The following KSR2 variants were observed in gnomAD, a reference collection of about 807,000 sequenced individuals.
KSR2 encodes kinase suppressor of ras 2.
A neutral mutation model predicts 107.8 loss-of-function variants in KSR2; 25 were observed. That is an observed-to-expected ratio of 0.23 (90% CI 0.17 to 0.32). The LOEUF is 0.32. KSR2 is among the 10% of genes least tolerant of loss of function. The pLI, the probability that KSR2 is intolerant of heterozygous loss-of-function variation, is 1.00. For synonymous variants in KSR2, 480 were observed against 507.0 expected (o/e 0.95, Z 0.71); for missense variants, 887 against 1,268.9 (o/e 0.70, Z 4.57).
At chr12:117,670,684 A>T (rs1204428931) in intron 4 of KSR2, among the ~76,000 whole-genome samples, 2 of 152,070 alleles carry the variant, frequency 1.3e-5, no homozygotes, top group African/African-American at 4.8e-5. Flanking sequence ...CCCCACGCAG[A>T]TATTTCCCTT....
rs780423962 is a variant in KSR2, at chr12:117,634,232, G to A, written c.1171+33242C>T. On this transcript the variant is annotated intron_variant, in intron 5 of 19. Transcript: ENST00000339824. The stretch of plus-strand genomic sequence containing the variant: ...TCCACAAAAGCCAAAAAGAAAGGTA[G>A]CTCTGATCAGGTAGGGAGAGGGAGG... 6.8e-4 allele frequency among the ~76,000 whole-genome samples: 104 copies of A among 152,152 alleles called. 2 individuals carry two copies. The highest frequency in any genetic ancestry group is 2.5e-4 in the Non-Finnish European group (17 of 68,022).
chr12:117,683,803 CA>C (rs1293296203), intron 4 of KSR2, among the ~76,000 whole-genome samples: 1 of 152,154 alleles, frequency 6.6e-6, no homozygotes, highest in Admixed American at 6.5e-5. Context: ...CAGAGGTTGC[CA>C]AATCTTTTCT....
intron 4 of KSR2, among the ~76,000 whole-genome samples, chr12:117,743,948 A>G (rs565800439): frequency 6.6e-6 from 1 of 152,306 alleles, no homozygotes; most frequent in East Asian, 1.9e-4. Context: ...GGAGGTGCCA[A>G]GAGTACCTCA....
chr12:117,903,684 T>C (rs1894757181), intron 1 of KSR2, among the ~76,000 whole-genome samples: 1 of 152,210 alleles, frequency 6.6e-6, no homozygotes, highest in African/African-American at 2.4e-5. Context: ...AGAAGCAGCA[T>C]ATTTTCTGAA....
chr12:117,488,889 G>A (rs1214614595), intron 14 of KSR2, among the ~76,000 whole-genome samples: 2 of 151,860 alleles, frequency 1.3e-5, no homozygotes, highest in Non-Finnish European at 1.5e-5. Flanking sequence ...ACCGTGTCAC[G>A]GTAGTCCAAA....
At chr12:117,950,749 A>ATAATAATAATAATAAT (rs60499991) in intron 1 of KSR2, among the ~76,000 whole-genome samples, 1 of 132,166 alleles carries the variant, frequency 7.6e-6, no homozygotes, top group East Asian at 2.2e-4. Flanking sequence ...AAAAAAAAAA[A>ATAATAATAATAATAAT]AATAATAATA....
intron 3 of KSR2, among the ~76,000 whole-genome samples, chr12:117,787,614 C>A (rs1890124329): frequency 1.3e-5 from 2 of 151,830 alleles, no homozygotes; most frequent in African/African-American, 2.4e-5. Flanking sequence ...GCCTTGGCAA[C>A]AGAGCGAGAC....
intron 5 of KSR2, among the ~76,000 whole-genome samples, chr12:117,590,856 A>G (rs6490130): frequency 0.92 from 139,508 of 152,270 alleles, 64,135 homozygotes; most frequent in East Asian, 1. Flanking sequence ...ATTTAGAGCT[A>G]TGAAACTCAT....
chr12:117,502,963 A>T (rs1326849786), intron 14 of KSR2, among the ~76,000 whole-genome samples: 3 of 152,172 alleles, frequency 2.0e-5, no homozygotes, highest in Admixed American at 2.0e-4. Flanking sequence ...TGGGCAAGAT[A>T]TTGGGGCGGA....
intron 5 of KSR2, among the ~76,000 whole-genome samples, chr12:117,606,637 T>A (rs1189779357): frequency 9.4e-6 from 1 of 106,854 alleles, no homozygotes; most frequent in African/African-American, 3.9e-5. Context: ...TCTTCCCTAC[T>A]TCTTTCCCTT....
chr12:117,500,101 G>A (rs565186445), intron 14 of KSR2, among the ~76,000 whole-genome samples: 300 of 152,312 alleles, frequency 2.0e-3, no homozygotes, highest in African/African-American at 6.3e-3. Context: ...ATCTGAGCAC[G>A]GAACCTACCT....
chr12:117,856,134 A>C lies in KSR2; in HGVS notation c.322-556T>G, dbSNP rs948151492. On this transcript the variant is annotated intron_variant, in intron 2 of 19. Coordinates refer to ENST00000339824, the MANE Select transcript of KSR2 (RefSeq NM_173598.6). ...GCTGAAAGTCCATGCCCCGTGCTGGAAATGAAACTAGGTTTGTTTTTGAGC... is the reference window on the plus strand; with the variant it reads ...GCTGAAAGTCCATGCCCCGTGCTGGCAATGAAACTAGGTTTGTTTTTGAGC... Among the ~76,000 whole-genome samples the C allele has an allele frequency of 4.6e-5, 7 of 152,178 alleles. No homozygotes were observed. In the East Asian group the frequency reaches 1.2e-3, roughly 25 times the overall value.
rs1158034251 is a variant in KSR2, at chr12:117,555,295, C to T, written c.1394-2G>A. 5.0e-6 allele frequency: 8 copies of T among 1,613,638 alleles called. No individual in the cohort carries two copies. The highest frequency in any genetic ancestry group is 2.7e-5 in the African/African-American group (2 of 74,906). The stretch of plus-strand genomic sequence containing the variant: ...CTGTCCGGACTAACCTTGCTGGATC[C>T]GTAGGGGTAAAAACATTGATTTGGG... On this transcript the variant is annotated splice_acceptor_variant, in intron 8 of 19. Coordinates refer to ENST00000339824, the MANE Select transcript of KSR2 (RefSeq NM_173598.6). LOFTEE classifies it high-confidence loss of function.
In KSR2 at chr12:117,525,153, G is replaced by T. The variant is rs1437530034; in HGVS notation, c.1918C>A (p.Leu640Ile). 1.2e-6 allele frequency: 2 copies of T among 1,613,936 alleles called. No homozygotes were observed. Among genetic ancestry groups the T allele is most frequent in the Non-Finnish European group, 1.7e-6 (2 of 1,179,846 alleles). The change falls in exon 14 of 20, where the codon CTC becomes ATC. Residue 640 changes from leucine (L) to isoleucine (I), a missense_variant. Leu to Ile is a conservative substitution (Grantham distance 5, BLOSUM62 2). Coordinates refer to ENST00000339824, the MANE Select transcript of KSR2 (RefSeq NM_173598.6). ...DDFEEMNLSL[L>I]SARSFPRKAS... The stretch of plus-strand genomic sequence containing the variant: ...TTGCGTGGGAAGCTCCGGGCCGAGA[G>T]GAGGGACAGGTTCATCTCCTCGAAG...
intron 14 of KSR2, among the ~76,000 whole-genome samples, chr12:117,511,200 C>T (rs980446171): frequency 2.6e-5 from 4 of 152,252 alleles, no homozygotes; most frequent in Admixed American, 6.5e-5. Context: ...GGTGACCACT[C>T]GGCTTCTGTT....
intron 9 of KSR2, among the ~76,000 whole-genome samples, chr12:117,543,962 T>C (rs1467124532): frequency 6.6e-6 from 1 of 152,192 alleles, no homozygotes; most frequent in Non-Finnish European, 1.5e-5. Flanking sequence ...TGTGTCTCTG[T>C]TTCTCTTCTC....
At chr12:117,943,221 T>C (rs768795212) in intron 1 of KSR2, among the ~76,000 whole-genome samples, 2 of 152,194 alleles carry the variant, frequency 1.3e-5, no homozygotes, top group Admixed American at 6.5e-5. Flanking sequence ...TACAGTAAAG[T>C]ACTTTGCCTT....
chr12:117,857,875 C>T (rs899414023), intron 2 of KSR2, among the ~76,000 whole-genome samples: 1 of 152,202 alleles, frequency 6.6e-6, no homozygotes. Context: ...CTGGTGGACA[C>T]ATACCTGAAC....
At chr12:117,809,068 C>G (rs1891106460) in intron 3 of KSR2, among the ~76,000 whole-genome samples, 1 of 152,158 alleles carries the variant, frequency 6.6e-6, no homozygotes, top group African/African-American at 2.4e-5. Flanking sequence ...CTCCCCACCC[C>G]CCGCCTCTAA....
Sources: gnomAD v4.1 joint callset for allele counts (sites outside exome capture counted in the v4.1 genomes callset) on GRCh38, gnomAD v4.1.1 for gene constraint, MANE v1.5 for transcripts, NCBI Gene and HGNC (gene_info 2026-07-23, HGNC 2026-07-21) for gene names.